The following PCDH9 variants were observed in gnomAD, a reference collection of about 807,000 sequenced individuals.
PCDH9 encodes protocadherin 9, also known as protocadherin-9.
In PCDH9, 24 loss-of-function variants were observed where a neutral mutation model predicts 70.6. The observed-to-expected ratio is 0.34, with a 90% CI of 0.25 to 0.48. The LOEUF (loss-of-function observed/expected upper bound fraction) is 0.48. Ranked by LOEUF, PCDH9 falls within the 20% of genes least tolerant of loss-of-function variation. The probability of loss-of-function intolerance (pLI) is 0.99; values close to 1 mark genes in which losing one functional copy is unlikely to be tolerated. For synonymous variants in PCDH9, 562 were observed against 558.5 expected, an observed-to-expected ratio of 1.01 and a Z score of -0.09; for missense variants, 1,281 against 1,503.6, an observed-to-expected ratio of 0.85 and a Z score of 2.45.
intron 3 of PCDH9, among the ~76,000 whole-genome samples, chr13:66,753,804 C>T (rs2079496691): frequency 1.3e-5 from 2 of 152,034 alleles, no homozygotes; most frequent in African/African-American, 4.8e-5. Context: ...AGGTATAAGA[C>T]AAAAATATGC....
Position 66,903,511 on chromosome 13 carries a change from T to C in PCDH9, c.3131A>G (p.His1044Arg). 1.4e-6 allele frequency: 2 copies of C among 1,448,176 alleles called. No individual in the cohort carries two copies. Among genetic ancestry groups the C allele is most frequent in the Non-Finnish European group, 1.9e-6 (2 of 1,030,790 alleles). The allele number at this position is 1,448,176 out of a possible 1,614,324, so 89.7% of individuals were successfully genotyped here. Residue 1044 changes from histidine to arginine, a missense_variant, in exon 3 of 5, where the codon CAT (histidine) becomes CGT (arginine). Transcript: ENST00000377865. The part of the protein sequence containing the change: ...GFHIQENEES[H>R]YESQRRVTFH... ...TATAGATATATGGCATACCTCGTAA[T>C]GGCTTTCTTCATTCTCCTGAATGTG...
chr13:66,326,617 C>G (rs1446525483), intron 4 of PCDH9, among the ~76,000 whole-genome samples: 1 of 151,978 alleles, frequency 6.6e-6, no homozygotes, highest in Non-Finnish European at 1.5e-5. Flanking sequence ...ACGGGTTTTG[C>G]CATGTTGGCC....
intron 2 of PCDH9, among the ~76,000 whole-genome samples, chr13:66,966,694 A>G (rs1445850217): frequency 6.6e-6 from 1 of 152,062 alleles, no homozygotes; most frequent in Non-Finnish European, 1.5e-5. Flanking sequence ...TGAAGTAAAA[A>G]CTATTCACAG....
chr13:66,848,962 C>T (rs770652395), intron 3 of PCDH9, among the ~76,000 whole-genome samples: 2 of 149,618 alleles, frequency 1.3e-5, no homozygotes, highest in Admixed American at 1.3e-4. Flanking sequence ...ATAGAGGAGC[C>T]AAAATATGTT....
At position 66,907,738 on chromosome 13, in the gene PCDH9, G is replaced by A. The variant is rs902157348; in HGVS notation, c.3037-4133C>T. Among the ~76,000 whole-genome samples, 5 of 152,068 alleles carry A rather than the reference G, an allele frequency of 3.3e-5. No individual in the cohort carries two copies. In the South Asian group the frequency reaches 6.2e-4, roughly 19 times the overall value. On this transcript the variant is annotated intron_variant, in intron 2 of 4. Coordinates refer to ENST00000377865, the MANE Select transcript of PCDH9 (RefSeq NM_203487.3). The stretch of plus-strand genomic sequence containing the variant: ...CAGCTGTTTTCTTTGCTAAATAGGG[G>A]GTTCTTTACATTTTCAACTCAATGG...
intron 2 of PCDH9, among the ~76,000 whole-genome samples, chr13:67,188,498 C>T (rs535544784): frequency 2.0e-5 from 3 of 151,942 alleles, no homozygotes; most frequent in African/African-American, 4.8e-5. Context: ...TGTATTAACA[C>T]TAATTCTATT....
At chr13:66,775,236 C>T (rs2079872135) in intron 3 of PCDH9, among the ~76,000 whole-genome samples, 2 of 152,156 alleles carry the variant, frequency 1.3e-5, no homozygotes. Context: ...AAAATTAAAT[C>T]ACTTCACATT....
intron 4 of PCDH9, among the ~76,000 whole-genome samples, chr13:66,415,051 A>G (rs553541821): frequency 1.3e-5 from 2 of 152,272 alleles, no homozygotes; most frequent in African/African-American, 4.8e-5. Flanking sequence ...CTGAAAATGT[A>G]CATGAGGGAA....
In PCDH9 at chr13:66,383,926, T is replaced by G. The variant is rs539016132; in HGVS notation, c.3341-78898A>C. Among the ~76,000 whole-genome samples the G allele has an allele frequency of 1.6e-4, 24 of 152,274 alleles. No individual in the cohort carries two copies. In the East Asian group the frequency reaches 4.4e-3, roughly 28 times the overall value. ...TCATTAAATATATGTGCCCTAGTCCTTTTTTCTTAAATATGTTTGTTTCTG... is the reference window on the plus strand; with the variant it reads ...TCATTAAATATATGTGCCCTAGTCCGTTTTTCTTAAATATGTTTGTTTCTG... On this transcript the variant is annotated intron_variant, in intron 4 of 4. Transcript: ENST00000377865.
intron 4 of PCDH9, among the ~76,000 whole-genome samples, chr13:66,560,878 A>C (rs1235120242): frequency 6.6e-6 from 1 of 152,212 alleles, no homozygotes; most frequent in Non-Finnish European, 1.5e-5. Flanking sequence ...AGTCATATAA[A>C]GGACTGAGAG....
intron 3 of PCDH9, among the ~76,000 whole-genome samples, chr13:66,800,209 C>A (rs1486988675): frequency 6.6e-6 from 1 of 152,100 alleles, no homozygotes; most frequent in Non-Finnish European, 1.5e-5. Context: ...TCTATCTATT[C>A]CCTGTAACAT....
At chr13:66,759,813 T>C (rs1212129534) in intron 3 of PCDH9, among the ~76,000 whole-genome samples, 1 of 129,734 alleles carries the variant, frequency 7.7e-6, no homozygotes, top group Non-Finnish European at 1.7e-5. Flanking sequence ...TAACAAATTA[T>C]TGTGGTTATT....
At chr13:66,862,863 AT>A (rs555861017) in intron 3 of PCDH9, among the ~76,000 whole-genome samples, 25 of 152,092 alleles carry the variant, frequency 1.6e-4, no homozygotes, top group East Asian at 7.7e-4. Flanking sequence ...AGATAGCATA[AT>A]TTTTTTTAAT....
intron 2 of PCDH9, among the ~76,000 whole-genome samples, chr13:66,913,832 C>T (rs979146910): frequency 1.1e-4 from 16 of 151,894 alleles, no homozygotes; most frequent in African/African-American, 3.4e-4. Context: ...TCATTGATAT[C>T]TCTGAAAATA....
At chr13:66,482,650 C>A (rs567469589) in intron 4 of PCDH9, among the ~76,000 whole-genome samples, 12 of 152,332 alleles carry the variant, frequency 7.9e-5, no homozygotes, top group Middle Eastern at 6.8e-3. Flanking sequence ...GGTTGGACAA[C>A]TCCAAGTATT....
At chr13:66,401,501 T>C (rs1410713737) in intron 4 of PCDH9, among the ~76,000 whole-genome samples, 1 of 152,116 alleles carries the variant, frequency 6.6e-6, no homozygotes, top group African/African-American at 2.4e-5. Flanking sequence ...CTTTCCTTTA[T>C]AAATTACCCA....
intron 2 of PCDH9, among the ~76,000 whole-genome samples, chr13:66,970,419 A>G (rs2139745821): frequency 6.6e-6 from 1 of 151,948 alleles, no homozygotes; most frequent in South Asian, 2.1e-4. Flanking sequence ...ACTTGAGGCC[A>G]GGAGTTCAAG....
At position 67,230,072 on chromosome 13, in the gene PCDH9, C is replaced by G. The variant is rs759109014; in HGVS notation, c.-428G>C. The G allele has an allele frequency of 6.6e-6, 1 of 152,272 alleles. No homozygotes were observed. The highest frequency in any genetic ancestry group is 1.5e-5 in the Non-Finnish European group (1 of 68,100). The allele number at this position is 152,272 out of a possible 1,614,324, so 9.4% of individuals were successfully genotyped here. A position where few individuals can be genotyped will look rare whatever the true frequency, so the allele number is the denominator to read the frequency against. On this transcript the variant is annotated 5_prime_UTR_variant, in exon 1 of 5. Coordinates refer to ENST00000377865, the MANE Select transcript of PCDH9 (RefSeq NM_203487.3). ...AACACATAGTTGCACTTCTTCAGCT[C>G]AGGGATATTTTCCACAGCAGCATGC... is the stretch of plus-strand genomic sequence containing the variant.
chr13:67,200,374 G>A (rs995597), intron 2 of PCDH9, among the ~76,000 whole-genome samples: 138,872 of 151,992 alleles, frequency 0.91, 63,986 homozygotes, highest in Non-Finnish European at 0.97. Flanking sequence ...AGGTGGTTGT[G>A]TCCCAGCAGG....
Sources: allele counts gnomAD v4.1 joint callset (sites outside exome capture counted in the v4.1 genomes callset), GRCh38; gene constraint gnomAD v4.1.1; transcripts MANE v1.5; gene names NCBI Gene and HGNC (gene_info 2026-07-23, HGNC 2026-07-21).